Variants in CNTN4 observed in about 807,000 individuals in gnomAD.
CNTN4 encodes contactin-4.
A neutral mutation model predicts 122.5 loss-of-function variants in CNTN4; 77 were observed. That is an observed-to-expected ratio of 0.63 (90% CI 0.52 to 0.76). CNTN4 has a LOEUF of 0.76. Ranked by LOEUF, CNTN4 falls within the 30% of genes least tolerant of loss-of-function variation. The pLI is 0.00. For missense variants in CNTN4, 1,256 were observed against 1,259.1 expected (o/e 1.00, Z 0.04); for synonymous variants, 512 against 447.0 (o/e 1.15, Z -1.83).
At chr3:2,624,987 T>C (rs1312077606) in intron 4 of CNTN4, among the ~76,000 whole-genome samples, 1 of 152,150 alleles carries the variant, frequency 6.6e-6, no homozygotes, top group Non-Finnish European at 1.5e-5. Context: ...ACTAGATATA[T>C]TATTTTATCT....
At chr3:2,405,888 G>A (rs1188014572) in intron 3 of CNTN4, among the ~76,000 whole-genome samples, 2 of 151,932 alleles carry the variant, frequency 1.3e-5, no homozygotes, top group African/African-American at 2.4e-5. Flanking sequence ...TTATCTGGGT[G>A]TGGTGGTGCA....
At chr3:2,980,349 A>G (rs1012498315) in intron 13 of CNTN4, among the ~76,000 whole-genome samples, 3 of 128,944 alleles carry the variant, frequency 2.3e-5, no homozygotes, top group African/African-American at 1.3e-4. Flanking sequence ...CAATAATTTA[A>G]AAAGGGCCAC....
At chr3:3,012,425 G>T (rs1380891208) in intron 14 of CNTN4, among the ~76,000 whole-genome samples, 1 of 151,930 alleles carries the variant, frequency 6.6e-6, no homozygotes, top group East Asian at 1.9e-4. Flanking sequence ...CTCTATTCTT[G>T]TTTGTTTGAT....
chr3:2,814,191 A>T (rs1228595584), intron 6 of CNTN4, among the ~76,000 whole-genome samples: 1 of 151,764 alleles, frequency 6.6e-6, no homozygotes, highest in Non-Finnish European at 1.5e-5. Context: ...CAACACCAAA[A>T]AGTAGAGGTA....
intron 3 of CNTN4, among the ~76,000 whole-genome samples, chr3:2,437,255 A>T (rs1475735611): frequency 6.6e-6 from 1 of 152,184 alleles, no homozygotes; most frequent in African/African-American, 2.4e-5. Context: ...TGACACTTTC[A>T]TAGGTTTTTC....
At chr3:2,128,186 T>C (rs2034273639) in intron 2 of CNTN4, among the ~76,000 whole-genome samples, 1 of 152,202 alleles carries the variant, frequency 6.6e-6, no homozygotes, top group South Asian at 2.1e-4. Flanking sequence ...GTCTGCCAGT[T>C]TCTTTTCTCA....
At chr3:2,617,682 A>G (rs988802037) in intron 4 of CNTN4, among the ~76,000 whole-genome samples, 1 of 151,936 alleles carries the variant, frequency 6.6e-6, no homozygotes, top group Admixed American at 6.6e-5. Context: ...CGGCCTCCCA[A>G]AGTGCTGGGA....
intron 4 of CNTN4, among the ~76,000 whole-genome samples, chr3:2,600,005 C>CTTTTTTTTTTTTTTTTTTTTTTTT: frequency 3.5e-5 from 1 of 28,270 alleles, no homozygotes; most frequent in Non-Finnish European, 9.4e-5. Context: ...TTATGGAATT[C>CTTTTTTTTTTTTTTTTTTTTTTTT]TTCTTTTTTT....
At chr3:2,375,448 A>G (rs143982421) in intron 3 of CNTN4, among the ~76,000 whole-genome samples, 2 of 152,222 alleles carry the variant, frequency 1.3e-5, no homozygotes, top group Admixed American at 6.5e-5. Context: ...CCTATTTTCT[A>G]AGGGACTTTC....
At chr3:2,319,911 G>A (rs2043226071) in intron 2 of CNTN4, among the ~76,000 whole-genome samples, 1 of 152,100 alleles carries the variant, frequency 6.6e-6, no homozygotes, top group Admixed American at 6.5e-5. Context: ...TACATGTATA[G>A]CCTTTAACAA....
At chr3:2,544,110 A>G (rs1400778811) in intron 3 of CNTN4, among the ~76,000 whole-genome samples, 1 of 152,178 alleles carries the variant, frequency 6.6e-6, no homozygotes, top group African/African-American at 2.4e-5. Flanking sequence ...CAAGAACCTG[A>G]TACTACCTGT....
At chr3:2,917,907 A>ATTT (rs113065177) in intron 12 of CNTN4, among the ~76,000 whole-genome samples, 83 of 150,812 alleles carry the variant, frequency 5.5e-4, no homozygotes, top group Middle Eastern at 3.4e-3. Flanking sequence ...CATGTGAGGC[A>ATTT]TTTTTTTTTT....
chr3:2,858,816 A>G (rs570503849), intron 7 of CNTN4, among the ~76,000 whole-genome samples: 2 of 152,356 alleles, frequency 1.3e-5, no homozygotes, highest in South Asian at 4.1e-4. Context: ...GCATATATTT[A>G]TGGCATACAA....
At chr3:2,802,580 A>G (rs1342566276) in intron 6 of CNTN4, among the ~76,000 whole-genome samples, 6 of 152,222 alleles carry the variant, frequency 3.9e-5, no homozygotes, top group African/African-American at 1.2e-4. Flanking sequence ...TATGTATTAA[A>G]TACCATGTCT....
At chr3:2,767,152 A>G (rs1371094541) in intron 6 of CNTN4, among the ~76,000 whole-genome samples, 3 of 152,236 alleles carry the variant, frequency 2.0e-5, no homozygotes, top group Non-Finnish European at 4.4e-5. Context: ...GAGGGTGACA[A>G]AGAGAAGCTG....
intron 2 of CNTN4, among the ~76,000 whole-genome samples, chr3:2,140,495 A>G (rs1263474922): frequency 6.6e-6 from 1 of 152,184 alleles, no homozygotes; most frequent in Non-Finnish European, 1.5e-5. Context: ...GTGAGGGCCC[A>G]CTTCCTGGTT....
At chr3:2,440,873 GTATATA>G (rs1559554890) in intron 3 of CNTN4, among the ~76,000 whole-genome samples, 217 of 74,692 alleles carry the variant, frequency 2.9e-3, no homozygotes, top group African/African-American at 7.8e-3. Flanking sequence ...TAACATATAT[GTATATA>G]TGTATATATA....
chr3:2,618,696 A>G (rs2081876093), intron 4 of CNTN4, among the ~76,000 whole-genome samples: 2 of 152,302 alleles, frequency 1.3e-5, no homozygotes, highest in South Asian at 4.1e-4. Context: ...AGTATCTCCT[A>G]CTGGAAATTT....
At chr3:2,103,519 C>T (rs1024597322) in intron 2 of CNTN4, among the ~76,000 whole-genome samples, 8 of 152,282 alleles carry the variant, frequency 5.3e-5, no homozygotes, top group Admixed American at 2.0e-4. Flanking sequence ...GAGTCTTGCG[C>T]TACCACTTTC....
Sources: allele counts gnomAD v4.1 joint callset (sites outside exome capture counted in the v4.1 genomes callset), GRCh38; gene constraint gnomAD v4.1.1; transcripts MANE v1.5; gene names NCBI Gene and HGNC (gene_info 2026-07-23, HGNC 2026-07-21).